PPARD: variants seen among roughly 807,000 people sequenced by gnomAD.
PPARD encodes peroxisome proliferator activated receptor delta.
Under a neutral mutation model 39.5 loss-of-function variants are expected in PPARD, and 6 were observed. The ratio of observed to expected loss-of-function variants is 0.15; its 90% CI spans 0.08 to 0.30. The LOEUF is 0.30. Ranked by LOEUF, PPARD falls within the 10% of genes least tolerant of loss-of-function variation. The pLI, the probability that PPARD is intolerant of heterozygous loss-of-function variation, is 1.00. For missense variants in PPARD, 397 were observed against 596.8 expected (o/e 0.67, Z 3.49); for synonymous variants, 210 against 231.3 (o/e 0.91, Z 0.83).
chr6:35,351,861 CTTTTTT>C (rs774957372), intron 2 of PPARD, among the ~76,000 whole-genome samples: 1 of 87,366 alleles, frequency 1.1e-5, no homozygotes, highest in Non-Finnish European at 2.1e-5. Context: ...CACACCCAGC[CTTTTTT>C]TTTTTTTTTT....
intron 3 of PPARD, among the ~76,000 whole-genome samples, chr6:35,418,879 A>G (rs1272204990): frequency 6.6e-6 from 1 of 152,168 alleles, no homozygotes; most frequent in Non-Finnish European, 1.5e-5. Flanking sequence ...TCCTGTGGTC[A>G]GGATAGGGGA....
intron 2 of PPARD, among the ~76,000 whole-genome samples, chr6:35,395,104 TG>T (rs1345812024): frequency 6.6e-6 from 1 of 151,886 alleles, no homozygotes; most frequent in Non-Finnish European, 1.5e-5. Flanking sequence ...GAGAGGGGGG[TG>T]CCAGGCATTG....
intron 2 of PPARD, among the ~76,000 whole-genome samples, chr6:35,403,831 G>C (rs1160562623): frequency 1.3e-5 from 2 of 152,230 alleles, no homozygotes; most frequent in African/African-American, 2.4e-5. Flanking sequence ...AGCTAGTGGA[G>C]GGGATGGCAT....
intron 2 of PPARD, among the ~76,000 whole-genome samples, chr6:35,408,954 CG>C (rs1765244337): frequency 6.6e-6 from 1 of 151,830 alleles, no homozygotes; most frequent in Admixed American, 6.6e-5. Context: ...CTTTCTGCTT[CG>C]GGGATCTGGT....
intron 2 of PPARD, among the ~76,000 whole-genome samples, chr6:35,355,932 T>A (rs9942489): frequency 0.074 from 11,247 of 151,816 alleles, 769 homozygotes; most frequent in African/African-American, 0.18. Flanking sequence ...TAATTTTTTT[T>A]TTTAATCGGG....
At chr6:35,420,065 C>T in intron 3 of PPARD, 62 bp from the exon 4 acceptor site, 1 of 1,577,138 alleles carries the variant, frequency 6.3e-7, no homozygotes. Flanking sequence ...TGGGGCTGTT[C>T]CCACGCCCTG....
At chr6:35,369,924 A>C (rs1430525214) in intron 2 of PPARD, among the ~76,000 whole-genome samples, 2 of 152,160 alleles carry the variant, frequency 1.3e-5, no homozygotes, top group African/African-American at 4.8e-5. Context: ...GTAGGTATTC[A>C]GTTTTTAAAG....
intron 2 of PPARD, among the ~76,000 whole-genome samples, chr6:35,407,868 T>G (rs888711877): frequency 7.2e-5 from 11 of 151,732 alleles, no homozygotes; most frequent in Non-Finnish European, 2.9e-5. Context: ...AGGGTCCTTT[T>G]TCCAGTATTG....
At chr6:35,394,165 G>A (rs1764177016) in intron 2 of PPARD, among the ~76,000 whole-genome samples, 1 of 152,190 alleles carries the variant, frequency 6.6e-6, no homozygotes, top group Non-Finnish European at 1.5e-5. Context: ...AGTAGTTTAG[G>A]TTGTGGGGCA....
chr6:35,348,890 G>T (rs747722802), intron 2 of PPARD: 1 of 985,420 alleles, frequency 1.0e-6, no homozygotes, highest in Non-Finnish European at 1.2e-6. Context: ...GAGTTGAACT[G>T]ATTTGCTTTG....
chr6:35,347,194 C>G (rs1197091966), intron 2 of PPARD, 44 bp downstream of exon 2: 1 of 1,530,666 alleles, frequency 6.5e-7, no homozygotes, highest in African/African-American at 1.4e-5. Context: ...CCACCACTGA[C>G]ACAGGATCCA....
intron 2 of PPARD, among the ~76,000 whole-genome samples, chr6:35,380,470 TTG>T (rs1763081067): frequency 2.9e-5 from 3 of 103,702 alleles, no homozygotes; most frequent in African/African-American, 2.2e-4. Context: ...TTTTTTTTTT[TTG>T]TTTGTTTTTT....
chr6:35,380,573 C>T (rs751966160), intron 2 of PPARD, among the ~76,000 whole-genome samples: 8 of 146,978 alleles, frequency 5.4e-5, no homozygotes, highest in Non-Finnish European at 1.0e-4. Context: ...ACTGCAGCCT[C>T]GACCTTTCGG....
At chr6:35,369,840 A>T (rs1262849945) in intron 2 of PPARD, among the ~76,000 whole-genome samples, 1 of 152,190 alleles carries the variant, frequency 6.6e-6, no homozygotes, top group Non-Finnish European at 1.5e-5. Flanking sequence ...CGAATCTGTG[A>T]CTAGAACAAA....
At chr6:35,359,637 T>C (rs1415689573) in intron 2 of PPARD, among the ~76,000 whole-genome samples, 1 of 152,178 alleles carries the variant, frequency 6.6e-6, no homozygotes, top group Non-Finnish European at 1.5e-5. Context: ...CTCCCACAGC[T>C]GACTTCTATC....
At chr6:35,417,685 C>T (rs532024118) in intron 3 of PPARD, among the ~76,000 whole-genome samples, 1 of 152,288 alleles carries the variant, frequency 6.6e-6, no homozygotes, top group African/African-American at 2.4e-5. Flanking sequence ...GCATGTGCCA[C>T]CACGCCCAGC....
At chr6:35,384,677 G>A (rs1399693576) in intron 2 of PPARD, among the ~76,000 whole-genome samples, 4 of 70,418 alleles carry the variant, frequency 5.7e-5, no homozygotes, top group African/African-American at 3.6e-4. Context: ...TCAGCCCCCC[G>A]CCTGGCCAGC....
At chr6:35,352,296 G>T (rs1036190851) in intron 2 of PPARD, among the ~76,000 whole-genome samples, 1 of 151,724 alleles carries the variant, frequency 6.6e-6, no homozygotes, top group African/African-American at 2.4e-5. Flanking sequence ...TGATTCTTCT[G>T]CCTCAGCCTC....
chr6:35,368,048 C>T (rs1762297854), intron 2 of PPARD, among the ~76,000 whole-genome samples: 1 of 152,210 alleles, frequency 6.6e-6, no homozygotes, highest in Non-Finnish European at 1.5e-5. Context: ...ATACTGCATC[C>T]CTTTCTGCTT....
Sources: gnomAD v4.1 joint callset for allele counts (sites outside exome capture counted in the v4.1 genomes callset) on GRCh38, gnomAD v4.1.1 for gene constraint, MANE v1.5 for transcripts, NCBI Gene and HGNC (gene_info 2026-07-23, HGNC 2026-07-21) for gene names.